Variants in IGF2BP3 observed in about 807,000 individuals in gnomAD.
IGF2BP3 encodes insulin-like growth factor 2 mRNA-binding protein 3.
Under a neutral mutation model 73.8 loss-of-function variants are expected in IGF2BP3, and 9 were observed. The observed-to-expected ratio is 0.12, with a 90% CI of 0.07 to 0.21. The LOEUF (loss-of-function observed/expected upper bound fraction) is 0.21, where lower values mean the gene tolerates loss of function less well. Among genes scored for constraint, IGF2BP3 ranks in the 10% least tolerant of loss-of-function variants. The probability of loss-of-function intolerance (pLI) is 1.00; values close to 1 mark genes in which losing one functional copy is unlikely to be tolerated. For missense variants in IGF2BP3, 542 were observed against 714.0 expected (o/e 0.76, Z 2.75); for synonymous variants, 258 against 256.7 (o/e 1.01, Z -0.05).
At chr7:23,434,234 T>A (rs1216497272) in intron 2 of IGF2BP3, among the ~76,000 whole-genome samples, 1 of 152,212 alleles carries the variant, frequency 6.6e-6, no homozygotes, top group Non-Finnish European at 1.5e-5. Flanking sequence ...ATACGGGGTA[T>A]GTCTACATTA....
chr7:23,407,082 G>C (rs955123067), intron 3 of IGF2BP3, among the ~76,000 whole-genome samples: 7 of 149,260 alleles, frequency 4.7e-5, no homozygotes, highest in African/African-American at 1.7e-4. Flanking sequence ...ACTAGTATCA[G>C]AATTAAAAAG....
chr7:23,399,830 T>C (rs762991080), intron 3 of IGF2BP3, among the ~76,000 whole-genome samples: 3 of 152,204 alleles, frequency 2.0e-5, no homozygotes, highest in Non-Finnish European at 4.4e-5. Flanking sequence ...GGGTTCAGTA[T>C]ACTATTTTCT....
At chr7:23,448,736 T>C (rs1349613434) in intron 2 of IGF2BP3, among the ~76,000 whole-genome samples, 1 of 152,168 alleles carries the variant, frequency 6.6e-6, no homozygotes, top group Non-Finnish European at 1.5e-5. Context: ...GTTCAAACGA[T>C]TCTCATGCCT....
chr7:23,452,292 C>A (rs1788219363), intron 2 of IGF2BP3, among the ~76,000 whole-genome samples: 1 of 151,952 alleles, frequency 6.6e-6, no homozygotes, highest in African/African-American at 2.4e-5. Context: ...GCGTGAGCCA[C>A]CGCACCTGGC....
At chr7:23,346,679 G>A (rs915570797) in intron 7 of IGF2BP3, among the ~76,000 whole-genome samples, 4 of 150,558 alleles carry the variant, frequency 2.7e-5, no homozygotes, top group South Asian at 2.1e-4. Context: ...TGCAACCTCC[G>A]CCTCCCGGGT....
chr7:23,442,655 C>T (rs1190947271), intron 2 of IGF2BP3, among the ~76,000 whole-genome samples: 1 of 152,132 alleles, frequency 6.6e-6, no homozygotes, highest in Non-Finnish European at 1.5e-5. Flanking sequence ...ACCTCAGCCT[C>T]CCAAAGGGCT....
At chr7:23,321,760 T>C (rs901402456) in intron 10 of IGF2BP3, among the ~76,000 whole-genome samples, 2 of 152,208 alleles carry the variant, frequency 1.3e-5, no homozygotes, top group African/African-American at 2.4e-5. Flanking sequence ...AGTGGGTCCC[T>C]GACCCCTGAC....
intron 3 of IGF2BP3, among the ~76,000 whole-genome samples, chr7:23,372,489 C>T (rs1278190622): frequency 9.2e-5 from 14 of 152,172 alleles, no homozygotes; most frequent in East Asian, 1.9e-4. Context: ...CCACCCTTTC[C>T]GCCGAGTACC....
At chr7:23,399,407 A>G (rs1218334042) in intron 3 of IGF2BP3, among the ~76,000 whole-genome samples, 3 of 132,920 alleles carry the variant, frequency 2.3e-5, no homozygotes, top group Admixed American at 7.7e-5. Flanking sequence ...AAATTAAATT[A>G]AATTAAAAAA....
At chr7:23,384,035 G>A (rs1786000774) in intron 3 of IGF2BP3, among the ~76,000 whole-genome samples, 1 of 147,218 alleles carries the variant, frequency 6.8e-6, no homozygotes. Flanking sequence ...GGAAGAGGTT[G>A]CAGTGAGCCG....
Position 23,469,794 on chromosome 7 carries a change from C to G in IGF2BP3, c.175+142G>C. ...CGGAGCTGAGGAGAGCCCCGGCCCC[C>G]ACGCGCGTGGGTGTGGGCGCTCAGG... On this transcript the variant is annotated intron_variant, in intron 1 of 14. Transcript: ENST00000258729. This position sits in a 1 kb window ranked among gnomAD's most constrained non-coding sequence, Gnocchi z 6.1. The G allele has an allele frequency of 2.6e-6, 1 of 387,026 alleles. No individual in the cohort carries two copies. Among genetic ancestry groups the G allele is most frequent in the Non-Finnish European group, 4.4e-6 (1 of 228,772 alleles). 24.0% of individuals were successfully genotyped at this position (387,026 alleles called of 1,614,324 possible).
chr7:23,363,350 A>G (rs1476579754), intron 3 of IGF2BP3, among the ~76,000 whole-genome samples: 2 of 151,786 alleles, frequency 1.3e-5, no homozygotes, highest in Non-Finnish European at 2.9e-5. Context: ...GGCTCAAGCA[A>G]CCCTCCCACC....
intron 2 of IGF2BP3, among the ~76,000 whole-genome samples, chr7:23,445,157 A>C (rs948429643): frequency 6.6e-6 from 1 of 152,208 alleles, no homozygotes; most frequent in African/African-American, 2.4e-5. Flanking sequence ...TATACATGTA[A>C]ATTTTCCCTA....
At chr7:23,378,570 T>TG (rs1785803484) in intron 3 of IGF2BP3, among the ~76,000 whole-genome samples, 1 of 25,394 alleles carries the variant, frequency 3.9e-5, no homozygotes, top group Admixed American at 4.0e-4. Flanking sequence ...TTTTTGCTTG[T>TG]TTTTTTTTTT....
At chr7:23,404,511 C>T (rs1786767222) in intron 3 of IGF2BP3, among the ~76,000 whole-genome samples, 1 of 152,114 alleles carries the variant, frequency 6.6e-6, no homozygotes, top group African/African-American at 2.4e-5. Flanking sequence ...CTTTGAAAAG[C>T]ATCATACACC....
intron 7 of IGF2BP3, 49 bp downstream of exon 7, chr7:23,347,551 C>T: frequency 6.3e-7 from 1 of 1,583,068 alleles, no homozygotes. Flanking sequence ...GTCAAAAATA[C>T]AAGAGCACAA....
intron 2 of IGF2BP3, among the ~76,000 whole-genome samples, chr7:23,456,813 G>C (rs2128550210): frequency 6.6e-6 from 1 of 152,322 alleles, no homozygotes; most frequent in East Asian, 1.9e-4. Flanking sequence ...ACTTTGGGAG[G>C]CCGCGGCGAG....
rs146621641 is a variant in IGF2BP3, at chr7:23,447,776, C to T, written c.236+20706G>A. Reference sequence around the variant, plus strand: ...GCAGATCTACCTGAGCTCAGGAGTTCGAGACCAGCCTGGGCAAAACAGTGA... The same window carrying T: ...GCAGATCTACCTGAGCTCAGGAGTTTGAGACCAGCCTGGGCAAAACAGTGA... On this transcript the variant is annotated intron_variant, in intron 2 of 14. Coordinates refer to ENST00000258729, the MANE Select transcript of IGF2BP3 (RefSeq NM_006547.3). Among the ~76,000 whole-genome samples, 911 of 151,818 alleles carry T rather than the reference C, an allele frequency of 6.0e-3. 6 individuals carry two copies. Among genetic ancestry groups the T allele is most frequent in the African/African-American group, 0.021 (860 of 41,394 alleles).
intron 8 of IGF2BP3, 22 bp from the exon 9 acceptor site, chr7:23,343,875 A>C (rs1429810132): frequency 5.6e-6 from 9 of 1,602,782 alleles, no homozygotes; most frequent in Non-Finnish European, 7.6e-6. Flanking sequence ...AAAAGAAGGG[A>C]AAGAAAAAGA....
Sources: allele counts gnomAD v4.1 joint callset (sites outside exome capture counted in the v4.1 genomes callset), GRCh38; gene constraint gnomAD v4.1.1; non-coding constraint Gnocchi (gnomAD v3.1); transcripts MANE v1.5; gene names NCBI Gene and HGNC (gene_info 2026-07-23, HGNC 2026-07-21).